Variants in IFT172 observed in about 807,000 individuals in gnomAD.
IFT172 encodes the protein intraflagellar transport protein 172 homolog.
IFT172 carries 164 observed loss-of-function variants against 248.9 expected under a neutral mutation model. That is an observed-to-expected ratio of 0.66 (90% CI 0.58 to 0.75). The LOEUF (loss-of-function observed/expected upper bound fraction) is 0.75. Among genes scored for constraint, IFT172 ranks in the 30% least tolerant of loss-of-function variants. The pLI, the probability that IFT172 is intolerant of heterozygous loss-of-function variation, is 0.00. For missense variants in IFT172, 1,950 were observed against 2,192.4 expected (o/e 0.89, Z 2.21); for synonymous variants, 729 against 791.6 (o/e 0.92, Z 1.33).
chr2:27,465,959 T>G, intron 16 of IFT172, 77 bp from the exon 17 acceptor site: 2 of 1,544,624 alleles, frequency 1.3e-6, no homozygotes, highest in Non-Finnish European at 1.8e-6. Flanking sequence ...AGACCCACCC[T>G]CATCCGACCC....
intron 1 of IFT172, among the ~76,000 whole-genome samples, chr2:27,485,778 G>A (rs537290990): frequency 9.9e-5 from 15 of 152,282 alleles, no homozygotes; most frequent in East Asian, 1.9e-4. Flanking sequence ...CGGCCTCCTC[G>A]TTTCCAGGTC....
At chr2:27,479,979 A>T (rs1475075739) in intron 9 of IFT172, 47 bp downstream of exon 9, 3 of 1,588,476 alleles carry the variant, frequency 1.9e-6, no homozygotes, top group Admixed American at 3.6e-5. Flanking sequence ...ATTTTTTTCT[A>T]GTTTGGTGAA....
In IFT172 at chr2:27,483,840, C is replaced by T. The variant is rs778357957; in HGVS notation, c.402+32G>A. ...TCTCCAGAACCATTATCCCTACCAC[C>T]CCCTCTCTTGTGTTTCCCTTCCCTC... On this transcript the variant is annotated intron_variant, in intron 5 of 47. Coordinates refer to ENST00000260570, the MANE Select transcript of IFT172 (RefSeq NM_015662.3). The T allele has an allele frequency of 1.7e-5, 27 of 1,558,454 alleles. 1 individual carries two copies. In the South Asian group the frequency reaches 2.9e-4, roughly 17 times the overall value.
intron 1 of IFT172, among the ~76,000 whole-genome samples, chr2:27,486,949 CTT>C (rs150387708): frequency 1.5e-4 from 22 of 145,918 alleles, no homozygotes; most frequent in Admixed American, 2.7e-4. Context: ...TAATTTCCTT[CTT>C]TTTTTTTTTT....
chr2:27,471,987 C>G, intron 15 of IFT172: 1 of 517,866 alleles, frequency 1.9e-6, no homozygotes, highest in South Asian at 3.3e-5. Flanking sequence ...GCAGTGAGCC[C>G]AGATTGTACC....
At chr2:27,460,929 G>C in intron 23 of IFT172, 86 bp downstream of exon 23, 2 of 1,502,586 alleles carry the variant, frequency 1.3e-6, no homozygotes, top group South Asian at 2.3e-5. Context: ...AGGTGTGTAG[G>C]GGCAACCCAC....
At chr2:27,477,127 A>T in intron 13 of IFT172, 90 bp downstream of exon 13, 1 of 1,187,178 alleles carries the variant, frequency 8.4e-7, no homozygotes, top group Admixed American at 1.8e-5. Flanking sequence ...ACCTGGCTGA[A>T]GCTTTTGGAT....
rs1183002267 is a variant in IFT172, at chr2:27,454,187, G to C, written c.3531-25C>G. The C allele has an allele frequency of 3.1e-6, 5 of 1,608,000 alleles. No homozygotes were observed. The South Asian group carries it at 5.5e-5, about 18-fold the overall frequency. ...CCTGCCTCCAGGTGGGGACAGAGGA[G>C]AGACTGAGTATAGGACTGAGGCCCC... On this transcript the variant is annotated intron_variant, in intron 32 of 47. Coordinates refer to ENST00000260570, the MANE Select transcript of IFT172 (RefSeq NM_015662.3). The surrounding 1 kb of genome is among the most constrained non-coding windows in gnomAD (Gnocchi z 4.2).
Position 27,485,228 on chromosome 2 carries a change from T to C in IFT172, c.184-98A>G, listed in dbSNP as rs547472504. On this transcript the variant is annotated intron_variant, in intron 2 of 47. Transcript: ENST00000260570. ...GGCATATGTGTGCTCCTAAGGGAGC[T>C]TGAGGATTTATACTGAGAAAAAGGT... is the stretch of plus-strand genomic sequence containing the variant. 169 of 1,479,036 alleles carry C rather than the reference T, an allele frequency of 1.1e-4. 1 individual carries two copies. The South Asian group carries it at 1.4e-3, about 13-fold the overall frequency. The allele number at this position is 1,479,036 out of a possible 1,614,324, so 91.6% of individuals were successfully genotyped here. A position where few individuals can be genotyped will look rare whatever the true frequency, so the allele number is the denominator to read the frequency against.
In IFT172 at chr2:27,460,995, G is replaced by T. The variant is rs763080560; in HGVS notation, c.2521+20C>A. On this transcript the variant is annotated intron_variant, in intron 23 of 47. Coordinates refer to ENST00000260570, the MANE Select transcript of IFT172 (RefSeq NM_015662.3). ...GCAAGAGTCCACAACAGTAAAGGAT[G>T]GCTTATAGGTGGCTAGTACCTTTCA... The T allele has an allele frequency of 2.4e-5, 38 of 1,613,950 alleles. 1 individual carries two copies. The South Asian group carries it at 4.2e-4, about 18-fold the overall frequency.
At chr2:27,448,290 G>A (rs932870891) in intron 40 of IFT172, among the ~76,000 whole-genome samples, 33 of 152,092 alleles carry the variant, frequency 2.2e-4, no homozygotes, top group East Asian at 5.8e-4. Flanking sequence ...TAGTAGAGAC[G>A]GGGTTTCACC....
chr2:27,479,464 T>G, intron 10 of IFT172, 45 bp downstream of exon 10: 1 of 1,045,958 alleles, frequency 9.6e-7, no homozygotes, highest in Non-Finnish European at 1.5e-6. Flanking sequence ...TAAGGAGGAA[T>G]GAGCCACGCA....
rs1666653179 is a variant in IFT172 at position 27,461,382 on chromosome 2, C to T, written c.2329G>A (p.Gly777Arg). 4 of 1,614,172 alleles carry T rather than the reference C, an allele frequency of 2.5e-6. No individual in the cohort carries two copies. Among genetic ancestry groups the T allele is most frequent in the Non-Finnish European group, 3.4e-6 (4 of 1,180,020 alleles). ...AGCCGAGCAGCTTTGGCAGGGAGCC[C>T]AGCTTTGAGGTAGAGGCTGATGGCT... ...LAAISLYLKAGLPAKAARLVL... is the reference protein window; with the variant it reads ...LAAISLYLKARLPAKAARLVL... Residue 777 changes from glycine to arginine, a missense_variant, in exon 22 of 48, where the codon GGG (glycine) becomes AGG (arginine). Physicochemically the swap from Gly to Arg is moderately radical, Grantham distance 125. This residue lies in a region of IFT172 where 1,166 missense variants were observed against 1,254.1 expected (regional missense o/e 0.93). Transcript: ENST00000260570.
intron 3 of IFT172, 44 bp from the exon 4 acceptor site, chr2:27,484,310 G>A (rs1480627586): frequency 3.7e-6 from 6 of 1,607,326 alleles, no homozygotes; most frequent in Non-Finnish European, 4.3e-6. Context: ...ACCACTTCCA[G>A]GCCGGGCGTG....
chr2:27,464,278 G>T (rs2148513029), intron 18 of IFT172, among the ~76,000 whole-genome samples: 1 of 152,310 alleles, frequency 6.6e-6, no homozygotes, highest in East Asian at 1.9e-4. Flanking sequence ...ACTTTGCACA[G>T]ATTCTCTCAT....
intron 16 of IFT172, among the ~76,000 whole-genome samples, chr2:27,469,789 G>A (rs960362809): frequency 2.0e-5 from 3 of 152,114 alleles, no homozygotes; most frequent in Non-Finnish European, 4.4e-5. Flanking sequence ...CCGAGATGAC[G>A]CCACTGCACT....
intron 15 of IFT172, 104 bp downstream of exon 15, chr2:27,472,146 C>T (rs1363771766): frequency 2.5e-6 from 2 of 804,884 alleles, no homozygotes; most frequent in Non-Finnish European, 4.4e-6. Flanking sequence ...GATGACACAG[C>T]AAAGACAATG....
intron 35 of IFT172, among the ~76,000 whole-genome samples, chr2:27,451,288 C>G (rs760170047): frequency 5.4e-4 from 83 of 152,326 alleles, no homozygotes; most frequent in Non-Finnish European, 1.1e-3. Flanking sequence ...TCTGCCCTGT[C>G]TGCATCAGGA....
chr2:27,447,766 A>G, intron 41 of IFT172, 46 bp downstream of exon 41: 1 of 1,595,108 alleles, frequency 6.3e-7, no homozygotes, highest in Non-Finnish European at 8.6e-7. Context: ...GCATCAAAGA[A>G]GAGATGAGGA....
Sources: allele counts gnomAD v4.1 joint callset (sites outside exome capture counted in the v4.1 genomes callset), GRCh38; gene constraint gnomAD v4.1.1; regional missense constraint gnomAD v4.1.1; non-coding constraint Gnocchi (gnomAD v3.1); transcripts MANE v1.5; gene names NCBI Gene and HGNC (gene_info 2026-07-23, HGNC 2026-07-21).